Variants in ZBTB7C observed in about 807,000 individuals in gnomAD.
The protein encoded by ZBTB7C is zinc finger and BTB domain containing 7C.
ZBTB7C carries 8 observed loss-of-function variants against 25.7 expected under a neutral mutation model. That is an observed-to-expected ratio of 0.31 (90% CI 0.18 to 0.56). The LOEUF (loss-of-function observed/expected upper bound fraction) is 0.56. Ranked by LOEUF, ZBTB7C falls within the 20% of genes least tolerant of loss-of-function variation. ZBTB7C has a pLI of 0.91. For missense variants in ZBTB7C, 824 were observed against 855.2 expected (o/e 0.96, Z 0.46); for synonymous variants, 394 against 369.0 (o/e 1.07, Z -0.78).
At chr18:48,256,923 G>A (rs1340374723) in intron 2 of ZBTB7C, among the ~76,000 whole-genome samples, 2 of 151,814 alleles carry the variant, frequency 1.3e-5, no homozygotes, top group African/African-American at 4.8e-5. Flanking sequence ...CAGTCCAAAG[G>A]AAGGCATAAA....
chr18:48,204,560 C>G lies in ZBTB7C; in HGVS notation c.-78-18565G>C, dbSNP rs562932816. Among the ~76,000 whole-genome samples, 4 of 152,308 alleles carry G rather than the reference C, an allele frequency of 2.6e-5. No individual in the cohort carries two copies. The East Asian group carries it at 7.7e-4, about 29-fold the overall frequency. On this transcript the variant is annotated intron_variant, in intron 2 of 4. Coordinates refer to ENST00000590800, the MANE Select transcript of ZBTB7C (RefSeq NM_001318841.2). ...GAACTTAAACCCAGGCCTCCAGACT[C>G]CTGAGACATTCCTTCCCTTCATGTA...
chr18:48,252,571 C>T (rs2043896044), intron 2 of ZBTB7C: 1 of 152,278 alleles, frequency 6.6e-6, no homozygotes, highest in African/African-American at 2.4e-5. Flanking sequence ...GGTGTACCTG[C>T]CTCTTCCCGT....
rs1418394743 is a variant in ZBTB7C at position 48,040,766 on chromosome 18, C to T, written c.342G>A (p.Leu114=). The T allele has an allele frequency of 1.2e-6, 2 of 1,614,022 alleles. No individual in the cohort carries two copies. The highest frequency in any genetic ancestry group is 1.7e-6 in the Non-Finnish European group (2 of 1,180,020). The change falls in exon 4 of 5, where the codon CTG becomes CTA. Residue 114 remains leucine (L), a synonymous_variant. Transcript: ENST00000590800. ...ACACGTTCACGATGCACTGGATCTCCAGCATCCTGGCTGCGTTGAGGATGT... is the reference window on the plus strand; with the variant it reads ...ACACGTTCACGATGCACTGGATCTCTAGCATCCTGGCTGCGTTGAGGATGT... ...VKHILNAARM[L]EIQCIVNVCL...
At chr18:48,319,500 C>T (rs926065550) in intron 2 of ZBTB7C, among the ~76,000 whole-genome samples, 2 of 152,144 alleles carry the variant, frequency 1.3e-5, no homozygotes, top group South Asian at 2.1e-4. Flanking sequence ...TCACTCCACA[C>T]ATGTTTTTTA....
chr18:48,151,246 A>G (rs974649099), intron 3 of ZBTB7C, among the ~76,000 whole-genome samples: 42 of 152,184 alleles, frequency 2.8e-4, no homozygotes, highest in Non-Finnish European at 4.4e-5. Flanking sequence ...AAATGTCACC[A>G]GTGGACACGG....
At chr18:48,177,763 G>A (rs1184045561) in intron 3 of ZBTB7C, among the ~76,000 whole-genome samples, 1 of 152,116 alleles carries the variant, frequency 6.6e-6, no homozygotes, top group Non-Finnish European at 1.5e-5. Context: ...CTCTTCTTGT[G>A]CCCTGGGAGG....
chr18:48,260,071 C>T (rs2044128491), intron 2 of ZBTB7C, among the ~76,000 whole-genome samples: 1 of 152,146 alleles, frequency 6.6e-6, no homozygotes, highest in African/African-American at 2.4e-5. Flanking sequence ...TTCATAGAAA[C>T]TTTATTTGTA....
rs72922148 is a variant in ZBTB7C, at chr18:48,174,498, G to A, written c.-17+11436C>T. Among the ~76,000 whole-genome samples, 251 of 152,354 alleles carry A rather than the reference G, an allele frequency of 1.6e-3. 1 individual carries two copies. Among genetic ancestry groups the A allele is most frequent in the Middle Eastern group, 6.8e-3 (2 of 294 alleles). The stretch of plus-strand genomic sequence containing the variant: ...TGCAACTGACACAACCCCATGGAGG[G>A]GAATCTGGCAACGCCTAACAAAACT... On this transcript the variant is annotated intron_variant, in intron 3 of 4. Transcript: ENST00000590800.
At position 48,314,154 on chromosome 18, in the gene ZBTB7C, A is replaced by C. The variant is rs1209745217; in HGVS notation, c.-79+24020T>G. ...CAACGCAAGAACGAACTAACACAAT[A>C]AGGTTACCAAATTTAGTGAACAAAA... On this transcript the variant is annotated intron_variant, in intron 2 of 4. Transcript: ENST00000590800. Among the ~76,000 whole-genome samples the C allele has an allele frequency of 2.6e-5, 4 of 152,182 alleles. No homozygotes were observed. The East Asian group carries it at 7.7e-4, about 29-fold the overall frequency.
At chr18:48,336,317 A>AC (rs1598898355) in intron 2 of ZBTB7C, among the ~76,000 whole-genome samples, 1 of 152,038 alleles carries the variant, frequency 6.6e-6, no homozygotes, top group African/African-American at 2.4e-5. Context: ...CCTGGCTCTC[A>AC]CCCCCCACCA....
intron 2 of ZBTB7C, among the ~76,000 whole-genome samples, chr18:48,308,616 T>C (rs1457812246): frequency 5.3e-5 from 8 of 152,258 alleles, no homozygotes; most frequent in Admixed American, 4.6e-4. Context: ...ATGTTTAAGA[T>C]GTCACAGCAA....
intron 3 of ZBTB7C, among the ~76,000 whole-genome samples, chr18:48,068,069 C>T (rs913595243): frequency 6.6e-6 from 1 of 151,920 alleles, no homozygotes; most frequent in Non-Finnish European, 1.5e-5. Flanking sequence ...TTCTGCTTCT[C>T]TGGAGAACTC....
chr18:48,219,290 C>A (rs1167927907), intron 2 of ZBTB7C, among the ~76,000 whole-genome samples: 1 of 152,186 alleles, frequency 6.6e-6, no homozygotes, highest in Non-Finnish European at 1.5e-5. Context: ...CAGGCACTGC[C>A]CTGGGCTCTC....
In ZBTB7C at chr18:48,144,868, T is replaced by C. The variant is rs190577362; in HGVS notation, c.-17+41066A>G. 3.5e-4 allele frequency among the ~76,000 whole-genome samples: 53 copies of C among 152,252 alleles called. 1 individual carries two copies. The East Asian group carries it at 8.9e-3, about 26-fold the overall frequency. ...ACATTTTCATTCTTAAGATTCTGAG[T>C]GTGCTCTCTGAGGCTGGGTTACAGT... On this transcript the variant is annotated intron_variant, in intron 3 of 4. Coordinates refer to ENST00000590800, the MANE Select transcript of ZBTB7C (RefSeq NM_001318841.2).
At chr18:48,124,500 G>A (rs916908056) in intron 3 of ZBTB7C, among the ~76,000 whole-genome samples, 8 of 152,194 alleles carry the variant, frequency 5.3e-5, no homozygotes, top group Non-Finnish European at 7.3e-5. Flanking sequence ...TATTACTACA[G>A]AGGAGCCAGC....
chr18:48,263,621 C>G (rs2044232416), intron 2 of ZBTB7C, among the ~76,000 whole-genome samples: 1 of 151,646 alleles, frequency 6.6e-6, no homozygotes, highest in Non-Finnish European at 1.5e-5. Flanking sequence ...AGAGGGTCAG[C>G]TATCTCGCTC....
intron 2 of ZBTB7C, among the ~76,000 whole-genome samples, chr18:48,193,575 G>T (rs2042249020): frequency 6.6e-6 from 1 of 152,206 alleles, no homozygotes; most frequent in Non-Finnish European, 1.5e-5. Context: ...CGCCATAGGA[G>T]AAACCTTGTG....
At chr18:48,124,935 G>T (rs1441204067) in intron 3 of ZBTB7C, among the ~76,000 whole-genome samples, 2 of 152,160 alleles carry the variant, frequency 1.3e-5, no homozygotes, top group Admixed American at 6.5e-5. Flanking sequence ...CCAGGTCAAG[G>T]CAGGAGCAGC....
In ZBTB7C at chr18:48,132,291, G is replaced by A. The variant is rs140934166; in HGVS notation, c.-17+53643C>T. Among the ~76,000 whole-genome samples, 761 of 152,312 alleles carry A rather than the reference G, an allele frequency of 5.0e-3. 3 individuals are homozygous for A. The highest frequency in any genetic ancestry group is 8.4e-3 in the Non-Finnish European group (573 of 68,022). The stretch of plus-strand genomic sequence containing the variant: ...GCTACAAAGCTAACGACTCAAAAGT[G>A]TTAGGTTAGTTGAAAGACACTAGTC... On this transcript the variant is annotated intron_variant, in intron 3 of 4. Transcript: ENST00000590800.
Sources: allele counts gnomAD v4.1 joint callset (sites outside exome capture counted in the v4.1 genomes callset), GRCh38; gene constraint gnomAD v4.1.1; transcripts MANE v1.5; gene names NCBI Gene and HGNC (gene_info 2026-07-23, HGNC 2026-07-21).